Variants in SORCS1 observed in about 807,000 individuals in gnomAD.
SORCS1 encodes the protein sortilin related VPS10 domain containing receptor 1.
SORCS1 carries 60 observed loss-of-function variants against 146.1 expected under a neutral mutation model. That is an observed-to-expected ratio of 0.41 (90% CI 0.33 to 0.51). The LOEUF (loss-of-function observed/expected upper bound fraction) is 0.51, where lower values mean the gene tolerates loss of function less well. Among genes scored for constraint, SORCS1 ranks in the 20% least tolerant of loss-of-function variants. The probability of loss-of-function intolerance (pLI) is 0.21; values close to 1 mark genes in which losing one functional copy is unlikely to be tolerated. For missense variants in SORCS1, 1,352 were observed against 1,487.6 expected (o/e 0.91, Z 1.50); for synonymous variants, 637 against 584.0 (o/e 1.09, Z -1.31).
At chr10:107,115,331 C>A (rs1475321009) in intron 1 of SORCS1, among the ~76,000 whole-genome samples, 1 of 151,706 alleles carries the variant, frequency 6.6e-6, no homozygotes, top group Non-Finnish European at 1.5e-5. Context: ...AAGCTAGAGG[C>A]ATCACACTGC....
At chr10:107,161,205 A>G (rs1969677821) in intron 1 of SORCS1, among the ~76,000 whole-genome samples, 1 of 152,210 alleles carries the variant, frequency 6.6e-6, no homozygotes, top group Non-Finnish European at 1.5e-5. Context: ...CAGATTGACA[A>G]GCAGCCTATA....
chr10:106,724,632 A>C (rs900564807), intron 6 of SORCS1, among the ~76,000 whole-genome samples: 2 of 152,238 alleles, frequency 1.3e-5, no homozygotes, highest in African/African-American at 4.8e-5. Flanking sequence ...ACTTCAATGG[A>C]AACAGAAATT....
intron 6 of SORCS1, among the ~76,000 whole-genome samples, chr10:106,728,805 G>T (rs1344550582): frequency 6.6e-6 from 1 of 152,124 alleles, no homozygotes; most frequent in Non-Finnish European, 1.5e-5. Flanking sequence ...AACTGGGAAG[G>T]TCTTGGAAAT....
chr10:107,177,588 TA>T, the SORCS1 span, among the ~76,000 whole-genome samples: 4 of 152,038 alleles, frequency 2.6e-5, no homozygotes, highest in African/African-American at 9.7e-5. Context: ...ATTGCTAAAA[TA>T]ATTAATTTTT....
intron 3 of SORCS1, among the ~76,000 whole-genome samples, chr10:106,779,522 T>C (rs561206293): frequency 6.6e-6 from 1 of 151,998 alleles, no homozygotes; most frequent in East Asian, 1.9e-4. Context: ...TGGTTTTTTC[T>C]TTTAAGTTTG....
chr10:107,096,499 A>G (rs909347172), intron 1 of SORCS1, among the ~76,000 whole-genome samples: 2 of 152,082 alleles, frequency 1.3e-5, no homozygotes, highest in African/African-American at 4.8e-5. Flanking sequence ...TGCTACACCT[A>G]TCAATATTTT....
chr10:107,036,159 T>C (rs994609499), intron 1 of SORCS1, among the ~76,000 whole-genome samples: 24 of 152,080 alleles, frequency 1.6e-4, no homozygotes, highest in Admixed American at 1.6e-3. Context: ...AACACTTTGG[T>C]CATAAGAAAT....
At chr10:107,170,551 G>C in the SORCS1 span, among the ~76,000 whole-genome samples, 1 of 152,160 alleles carries the variant, frequency 6.6e-6, no homozygotes, top group Admixed American at 6.5e-5. Context: ...AGACTCCTGT[G>C]GCATAATATT....
chr10:107,157,358 T>C (rs1167713566), intron 1 of SORCS1, among the ~76,000 whole-genome samples: 1 of 152,238 alleles, frequency 6.6e-6, no homozygotes, highest in Non-Finnish European at 1.5e-5. Flanking sequence ...TGACCAAATG[T>C]TATTTGACCT....
chr10:106,915,441 C>A (rs947239071), intron 2 of SORCS1, among the ~76,000 whole-genome samples: 2 of 152,126 alleles, frequency 1.3e-5, no homozygotes, highest in Non-Finnish European at 2.9e-5. Context: ...TTCGACCTTT[C>A]AAAATGCATA....
At chr10:106,813,827 C>CT (rs1947600955) in intron 3 of SORCS1, among the ~76,000 whole-genome samples, 1 of 152,110 alleles carries the variant, frequency 6.6e-6, no homozygotes, top group African/African-American at 2.4e-5. Flanking sequence ...TGTCATGTGC[C>CT]TGTCATCCCT....
At chr10:106,727,447 G>A (rs1856285133) in intron 6 of SORCS1, among the ~76,000 whole-genome samples, 1 of 152,134 alleles carries the variant, frequency 6.6e-6, no homozygotes. Flanking sequence ...TTGAACTCCT[G>A]GGCTCAAATG....
chr10:106,728,762 A>T (rs1856384522), intron 6 of SORCS1, among the ~76,000 whole-genome samples: 1 of 152,124 alleles, frequency 6.6e-6, no homozygotes, highest in Non-Finnish European at 1.5e-5. Flanking sequence ...GGCAGTGATT[A>T]GGGTGCTTTT....
intron 3 of SORCS1, among the ~76,000 whole-genome samples, chr10:106,815,553 G>A (rs945757823): frequency 2.0e-5 from 3 of 152,182 alleles, no homozygotes; most frequent in African/African-American, 7.2e-5. Context: ...AGCTTGATCA[G>A]TTTCCACTGG....
At chr10:106,806,054 C>T (rs1445103517) in intron 3 of SORCS1, among the ~76,000 whole-genome samples, 5 of 99,120 alleles carry the variant, frequency 5.0e-5, no homozygotes, top group African/African-American at 1.2e-4. Context: ...AACTAGACTC[C>T]GTCTCAAAAA....
chr10:107,093,155 A>AT (rs1029817526), intron 1 of SORCS1, among the ~76,000 whole-genome samples: 4 of 152,010 alleles, frequency 2.6e-5, no homozygotes, highest in Admixed American at 6.6e-5. Context: ...CAGAGCCATG[A>AT]TTTTTTTTAA....
At chr10:107,111,190 A>G (rs1244273266) in intron 1 of SORCS1, among the ~76,000 whole-genome samples, 1 of 152,234 alleles carries the variant, frequency 6.6e-6, no homozygotes, top group East Asian at 1.9e-4. Flanking sequence ...TGACACCACC[A>G]AAGGAAACTA....
At chr10:106,970,396 T>C (rs1188441788) in intron 1 of SORCS1, among the ~76,000 whole-genome samples, 1 of 143,192 alleles carries the variant, frequency 7.0e-6, no homozygotes, top group Non-Finnish European at 1.5e-5. Context: ...TGGAGTGCAG[T>C]GGCGTGATCC....
chr10:106,707,564 A>G (rs1036769319), intron 7 of SORCS1, among the ~76,000 whole-genome samples: 5 of 152,158 alleles, frequency 3.3e-5, no homozygotes, highest in African/African-American at 1.2e-4. Flanking sequence ...GCAGTGGCAC[A>G]ATCATAGCTC....
Sources: allele counts gnomAD v4.1 joint callset (sites outside exome capture counted in the v4.1 genomes callset), GRCh38; gene constraint gnomAD v4.1.1; transcripts MANE v1.5; gene names NCBI Gene and HGNC (gene_info 2026-07-23, HGNC 2026-07-21).